The following MAGI2 variants were observed in gnomAD, a reference collection of about 807,000 sequenced individuals.
MAGI2 encodes membrane-associated guanylate kinase, WW and PDZ domain-containing protein 2.
Under a neutral mutation model 133.3 loss-of-function variants are expected in MAGI2, and 35 were observed. The observed-to-expected ratio is 0.26, with a 90% CI of 0.20 to 0.35. The LOEUF (loss-of-function observed/expected upper bound fraction) is 0.35. Among genes scored for constraint, MAGI2 ranks in the 10% least tolerant of loss-of-function variants. The pLI is 1.00. For synonymous variants in MAGI2, 729 were observed against 710.6 expected, an observed-to-expected ratio of 1.03 and a Z score of -0.41; for missense variants, 1,636 against 1,863.4, an observed-to-expected ratio of 0.88 and a Z score of 2.25.
chr7:78,398,462 C>T (rs1037716004), intron 6 of MAGI2, among the ~76,000 whole-genome samples: 2 of 152,114 alleles, frequency 1.3e-5, no homozygotes, highest in Admixed American at 6.6e-5. Context: ...ACCAAGAAGG[C>T]CTTAATGTTC....
chr7:78,220,496 A>G (rs7786725), intron 10 of MAGI2, among the ~76,000 whole-genome samples: 2,095 of 152,334 alleles, frequency 0.014, 52 homozygotes, highest in African/African-American at 0.047. Flanking sequence ...TACCAAAGTG[A>G]CATGTATGTA....
At chr7:79,082,802 G>A (rs1319658898) in intron 1 of MAGI2, among the ~76,000 whole-genome samples, 3 of 151,730 alleles carry the variant, frequency 2.0e-5, no homozygotes, top group Admixed American at 1.3e-4. Context: ...GGGTTGGGGG[G>A]TATTGCCTCT....
chr7:79,390,744 A>G lies in MAGI2; in HGVS notation c.301+62276T>C, dbSNP rs186303573. On this transcript the variant is annotated intron_variant, in intron 1 of 21. Transcript: ENST00000354212. ...TTCGAAGCGTGGATTTTATGAACTC[A>G]AGTCATATTGCAGGGCAAGAAAGTT... 2.6e-5 allele frequency among the ~76,000 whole-genome samples: 4 copies of G among 152,324 alleles called. No homozygotes were observed. The East Asian group carries it at 7.7e-4, about 29-fold the overall frequency.
intron 1 of MAGI2, among the ~76,000 whole-genome samples, chr7:79,215,990 C>T (rs1027746430): frequency 2.0e-5 from 3 of 151,750 alleles, no homozygotes; most frequent in Non-Finnish European, 4.4e-5. Flanking sequence ...CCCAGGAACC[C>T]CAAGCCTGGA....
intron 15 of MAGI2, among the ~76,000 whole-genome samples, chr7:78,162,385 C>T (rs1043066809): frequency 2.0e-5 from 3 of 150,974 alleles, no homozygotes; most frequent in Non-Finnish European, 4.4e-5. Flanking sequence ...TTTAGCTGGG[C>T]GCAGTGGTGG....
At chr7:79,101,426 T>C (rs963876842) in intron 1 of MAGI2, among the ~76,000 whole-genome samples, 2 of 152,030 alleles carry the variant, frequency 1.3e-5, no homozygotes, top group Non-Finnish European at 2.9e-5. Context: ...CTGATGGTTT[T>C]AGAAAAAGGA....
intron 13 of MAGI2, among the ~76,000 whole-genome samples, chr7:78,184,807 CTTAAAA>C (rs1302220962): frequency 6.6e-6 from 1 of 152,058 alleles, no homozygotes; most frequent in Non-Finnish European, 1.5e-5. Context: ...ACTGAAAGCT[CTTAAAA>C]TTAAAATATG....
intron 6 of MAGI2, among the ~76,000 whole-genome samples, chr7:78,383,228 A>T (rs1300438510): frequency 1.3e-5 from 2 of 152,146 alleles, no homozygotes; most frequent in African/African-American, 4.8e-5. Context: ...CATTGCCACC[A>T]ACAGTGTACA....
At chr7:79,058,424 T>C (rs185745077) in intron 1 of MAGI2, among the ~76,000 whole-genome samples, 2 of 151,906 alleles carry the variant, frequency 1.3e-5, no homozygotes, top group African/African-American at 4.8e-5. Flanking sequence ...AAACATTTTA[T>C]GGAAGAACAT....
rs555075351 is a variant in MAGI2 at position 78,847,798 on chromosome 7, T to G, written c.418+159292A>C. On this transcript the variant is annotated intron_variant, in intron 2 of 21. Coordinates refer to ENST00000354212, the MANE Select transcript of MAGI2 (RefSeq NM_012301.4). Reference sequence around the variant, plus strand: ...TTCTTCAGTGCATACAGGTATAATTTTATTTATTTGTTTGTTTGTTTGTTT... The same window carrying G: ...TTCTTCAGTGCATACAGGTATAATTGTATTTATTTGTTTGTTTGTTTGTTT... 4.6e-5 allele frequency among the ~76,000 whole-genome samples: 7 copies of G among 151,942 alleles called. No homozygotes were observed. The East Asian group carries it at 1.4e-3, about 29-fold the overall frequency.
intron 2 of MAGI2, among the ~76,000 whole-genome samples, chr7:78,860,674 T>C (rs555597442): frequency 6.6e-6 from 1 of 152,250 alleles, no homozygotes; most frequent in East Asian, 1.9e-4. Context: ...TGTCTCCCAG[T>C]TAGGCTACTC....
chr7:79,437,317 C>T (rs1009777887), intron 1 of MAGI2, among the ~76,000 whole-genome samples: 7 of 152,024 alleles, frequency 4.6e-5, no homozygotes, highest in South Asian at 2.1e-4. Context: ...TTGTAACAAA[C>T]CTGTAGCAGA....
At chr7:78,767,406 AG>A (rs1330004707) in intron 2 of MAGI2, among the ~76,000 whole-genome samples, 1 of 151,944 alleles carries the variant, frequency 6.6e-6, no homozygotes, top group Non-Finnish European at 1.5e-5. Flanking sequence ...CTGAGATCTT[AG>A]AAAGAGTGCC....
At chr7:78,476,146 C>A (rs1791726608) in intron 6 of MAGI2, among the ~76,000 whole-genome samples, 1 of 151,786 alleles carries the variant, frequency 6.6e-6, no homozygotes, top group African/African-American at 2.4e-5. Flanking sequence ...TATGGACAAC[C>A]AGATCAACTT....
intron 4 of MAGI2, among the ~76,000 whole-genome samples, chr7:78,520,641 TG>T (rs1796416146): frequency 6.6e-6 from 1 of 152,174 alleles, no homozygotes; most frequent in Non-Finnish European, 1.5e-5. Flanking sequence ...GCCACAGTTT[TG>T]TTGTTGTTTT....
At chr7:78,316,404 T>G (rs1239134246) in intron 9 of MAGI2, among the ~76,000 whole-genome samples, 1 of 152,244 alleles carries the variant, frequency 6.6e-6, no homozygotes, top group East Asian at 1.9e-4. Context: ...TTAAACATTC[T>G]GAGATCTTTA....
At chr7:78,741,413 ACACACACACACACACGGG>A (rs1822416402) in intron 2 of MAGI2, among the ~76,000 whole-genome samples, 1 of 146,288 alleles carries the variant, frequency 6.8e-6, no homozygotes, top group African/African-American at 2.6e-5. Context: ...ACACACACAC[ACACACACACACACACGGG>A]AGGGGGGTTA....
intron 1 of MAGI2, among the ~76,000 whole-genome samples, chr7:79,079,521 C>T (rs1037261584): frequency 3.9e-5 from 6 of 152,046 alleles, no homozygotes; most frequent in African/African-American, 1.4e-4. Flanking sequence ...GAAGAGAAGA[C>T]AAAAGAAGAT....
intron 10 of MAGI2, among the ~76,000 whole-genome samples, chr7:78,243,575 T>G (rs1042555885): frequency 6.6e-6 from 1 of 152,188 alleles, no homozygotes; most frequent in Non-Finnish European, 1.5e-5. Context: ...CTCAAAGCTA[T>G]GATATAGTCT....
Sources: gnomAD v4.1 joint callset for allele counts (sites outside exome capture counted in the v4.1 genomes callset) on GRCh38, gnomAD v4.1.1 for gene constraint, MANE v1.5 for transcripts, NCBI Gene and HGNC (gene_info 2026-07-23, HGNC 2026-07-21) for gene names.